PBX1: variants seen among roughly 807,000 people sequenced by gnomAD.
PBX1 encodes PBX homeobox 1, also known as pre-B-cell leukemia transcription factor 1.
Under a neutral mutation model 53.4 loss-of-function variants are expected in PBX1, and 6 were observed. The ratio of observed to expected loss-of-function variants is 0.11; its 90% CI spans 0.06 to 0.22. The LOEUF is 0.22. PBX1 is among the 10% of genes least tolerant of loss of function. The probability of loss-of-function intolerance (pLI) is 1.00; values close to 1 mark genes in which losing one functional copy is unlikely to be tolerated. For missense variants in PBX1, 251 were observed against 551.4 expected, an observed-to-expected ratio of 0.46 and a Z score of 5.46; for synonymous variants, 204 against 212.3, an observed-to-expected ratio of 0.96 and a Z score of 0.34.
chr1:164,586,579 G>A (rs1654963677), intron 2 of PBX1, among the ~76,000 whole-genome samples: 2 of 152,202 alleles, frequency 1.3e-5, no homozygotes, highest in South Asian at 4.1e-4. Flanking sequence ...CTTCCAGGGA[G>A]GTTGTGAATC....
Position 164,732,878 on chromosome 1 carries a change from TCTCAAAGACAGAAATCTACACTTC to T in PBX1, c.266-59610_266-59587del, listed in dbSNP as rs1328733975. ...TTTCTCTTTTTTATGTCGTCTGAATTCTCAAAGACAGAAATCTACACTTCCTCAACCCACTTTGGTCTTCCTTTG... is the reference window on the plus strand; with the variant it reads ...TTTCTCTTTTTTATGTCGTCTGAATTCTCAACCCACTTTGGTCTTCCTTTG... On this transcript the variant is annotated intron_variant, in intron 2 of 8. Transcript: ENST00000420696. Among the ~76,000 whole-genome samples the T allele has an allele frequency of 4.0e-5, 6 of 151,732 alleles. No individual in the cohort carries two copies. The East Asian group carries it at 1.2e-3, about 30-fold the overall frequency.
intron 2 of PBX1, among the ~76,000 whole-genome samples, chr1:164,708,961 T>C (rs1014621003): frequency 6.6e-6 from 1 of 152,190 alleles, no homozygotes; most frequent in Non-Finnish European, 1.5e-5. Flanking sequence ...TGGTAGGTGC[T>C]GGGGATACTG....
chr1:164,565,602 C>A (rs1653378537), intron 2 of PBX1, among the ~76,000 whole-genome samples: 1 of 152,082 alleles, frequency 6.6e-6, no homozygotes, highest in Non-Finnish European at 1.5e-5. Flanking sequence ...AGGTAGGAGT[C>A]AACTGTGGTC....
At chr1:164,576,733 AG>A (rs1654272498) in intron 2 of PBX1, 2 of 152,272 alleles carry the variant, frequency 1.3e-5, no homozygotes, top group South Asian at 4.1e-4. Context: ...GCCGCCCCCC[AG>A]GGGGAAGACA....
chr1:164,616,877 G>A (rs1194130404), intron 2 of PBX1, among the ~76,000 whole-genome samples: 2 of 152,118 alleles, frequency 1.3e-5, no homozygotes, highest in African/African-American at 4.8e-5. Flanking sequence ...AATGGAATAT[G>A]TTTATTCTGA....
chr1:164,822,006 TCCA>T (rs920608681), intron 8 of PBX1, among the ~76,000 whole-genome samples: 1 of 151,264 alleles, frequency 6.6e-6, no homozygotes, highest in Non-Finnish European at 1.5e-5. Context: ...ATCCATTGCA[TCCA>T]CGTCTGTGGT....
intron 8 of PBX1, among the ~76,000 whole-genome samples, chr1:164,833,210 A>AAAAAC (rs1670854742): frequency 6.7e-6 from 1 of 150,258 alleles, no homozygotes; most frequent in Non-Finnish European, 1.5e-5. Flanking sequence ...AAACAAAAAC[A>AAAAAC]AAAAAAAACA....
rs1256214249 is a variant in PBX1, at chr1:164,827,285, G to A, written c.1200+5659G>A. Among the ~76,000 whole-genome samples, 4 of 152,218 alleles carry A rather than the reference G, an allele frequency of 2.6e-5. No homozygotes were observed. The East Asian group carries it at 7.7e-4, about 29-fold the overall frequency. On this transcript the variant is annotated intron_variant, in intron 8 of 8. Coordinates refer to ENST00000420696, the MANE Select transcript of PBX1 (RefSeq NM_002585.4). ...CATATGCATATCTTTGAAAACTCAT[G>A]TTAATTATACACAGTTTTAATTCTT... is the stretch of plus-strand genomic sequence containing the variant.
At chr1:164,757,121 G>T (rs887794293) in intron 2 of PBX1, among the ~76,000 whole-genome samples, 1 of 152,048 alleles carries the variant, frequency 6.6e-6, no homozygotes, top group African/African-American at 2.4e-5. Context: ...GAGAGCAGAG[G>T]ACATAGCAAT....
intron 2 of PBX1, among the ~76,000 whole-genome samples, chr1:164,784,221 A>G (rs1468746730): frequency 1.3e-5 from 2 of 152,150 alleles, no homozygotes; most frequent in African/African-American, 4.8e-5. Flanking sequence ...TGTGTAAGTC[A>G]TGCCCTCCTA....
intron 2 of PBX1, among the ~76,000 whole-genome samples, chr1:164,751,330 A>G (rs1666204286): frequency 6.6e-6 from 1 of 151,712 alleles, no homozygotes; most frequent in African/African-American, 2.4e-5. Flanking sequence ...AAAAAAAAAA[A>G]AAGATGGTAT....
At chr1:164,696,498 C>G (rs191258765) in intron 2 of PBX1, among the ~76,000 whole-genome samples, 2 of 152,090 alleles carry the variant, frequency 1.3e-5, no homozygotes, top group Non-Finnish European at 2.9e-5. Context: ...CCAGGATTGT[C>G]GTAGAGTTTG....
rs1418060361 is a variant in PBX1 at position 164,655,798 on chromosome 1, T to C, written c.265+92487T>C. Reference sequence around the variant, plus strand: ...TGTAGCCTCCCTAAATCTCAGTGAATAGGATTTTACATGGCATCAATATGC... The same window carrying C: ...TGTAGCCTCCCTAAATCTCAGTGAACAGGATTTTACATGGCATCAATATGC... On this transcript the variant is annotated intron_variant, in intron 2 of 8. Transcript: ENST00000420696. 3.3e-5 allele frequency among the ~76,000 whole-genome samples: 5 copies of C among 152,228 alleles called. No individual in the cohort carries two copies. In the East Asian group the frequency reaches 7.7e-4, roughly 23 times the overall value.
intron 2 of PBX1, among the ~76,000 whole-genome samples, chr1:164,726,947 C>T (rs1036716283): frequency 6.6e-6 from 1 of 152,162 alleles, no homozygotes; most frequent in African/African-American, 2.4e-5. Context: ...TTCACTTATG[C>T]TTCCATAATG....
At chr1:164,869,698 G>A (rs1672304415) in intron 2 of PBX1, among the ~76,000 whole-genome samples, 1 of 152,192 alleles carries the variant, frequency 6.6e-6, no homozygotes, top group African/African-American at 2.4e-5. Context: ...GAATATTAGG[G>A]ATAAATGCTA....
chr1:164,864,852 G>A (rs957424870), intron 2 of PBX1, among the ~76,000 whole-genome samples: 2 of 152,210 alleles, frequency 1.3e-5, no homozygotes, highest in African/African-American at 2.4e-5. Context: ...GGCAGTAAAG[G>A]TGTCACACAA....
chr1:164,777,460 C>T (rs191147906), intron 2 of PBX1, among the ~76,000 whole-genome samples: 3 of 152,172 alleles, frequency 2.0e-5, no homozygotes, highest in Admixed American at 6.5e-5. Flanking sequence ...TTTTAAGGGT[C>T]GAGAGATGAA....
At chr1:164,628,294 G>T (rs2101872069) in intron 2 of PBX1, among the ~76,000 whole-genome samples, 1 of 152,290 alleles carries the variant, frequency 6.6e-6, no homozygotes, top group African/African-American at 2.4e-5. Flanking sequence ...CATATTTTTT[G>T]AGTAAGGTAA....
At chr1:164,703,582 C>T (rs1028528212) in intron 2 of PBX1, among the ~76,000 whole-genome samples, 2 of 152,148 alleles carry the variant, frequency 1.3e-5, no homozygotes, top group African/African-American at 4.8e-5. Flanking sequence ...TCAGCTGAGA[C>T]GACCAGTTAG....
Sources: allele counts gnomAD v4.1 joint callset (sites outside exome capture counted in the v4.1 genomes callset), GRCh38; gene constraint gnomAD v4.1.1; transcripts MANE v1.5; gene names NCBI Gene and HGNC (gene_info 2026-07-23, HGNC 2026-07-21).